The following THRB variants were observed in gnomAD, a reference collection of about 807,000 sequenced individuals.
The protein encoded by THRB is thyroid hormone receptor beta.
Under a neutral mutation model 47.8 loss-of-function variants are expected in THRB, and 12 were observed. The observed-to-expected ratio is 0.25, with a 90% confidence interval of 0.16 to 0.41. THRB has a LOEUF of 0.41. THRB is among the 10% of genes least tolerant of loss of function. The probability of loss-of-function intolerance (pLI) is 1.00; values close to 1 mark genes in which losing one functional copy is unlikely to be tolerated. For synonymous variants in THRB, 218 were observed against 212.2 expected, an observed-to-expected ratio of 1.03 and a Z score of -0.24; for missense variants, 348 against 589.2, an observed-to-expected ratio of 0.59 and a Z score of 4.24.
Position 24,349,272 on chromosome 3 carries a change from A to G in THRB, c.-260-11901T>C, listed in dbSNP as rs374705534. Among the ~76,000 whole-genome samples the G allele has an allele frequency of 3.9e-5, 6 of 152,220 alleles. No homozygotes were observed. The East Asian group carries it at 9.7e-4, about 24-fold the overall frequency. On this transcript the variant is annotated intron_variant, in intron 1 of 10. Transcript: ENST00000646209. ...ATTGTAAAATGTCAATTCTCCCTAA[A>G]TTAGTATATAGATTCAATATACAGT... is the stretch of plus-strand genomic sequence containing the variant.
chr3:24,227,175 C>T (rs1433167797), intron 4 of THRB, among the ~76,000 whole-genome samples: 2 of 152,166 alleles, frequency 1.3e-5, no homozygotes, highest in Non-Finnish European at 2.9e-5. Context: ...AGAGAGCCAT[C>T]CTTATAGCAC....
chr3:24,191,667 G>A (rs2043360414), intron 4 of THRB, among the ~76,000 whole-genome samples: 1 of 152,186 alleles, frequency 6.6e-6, no homozygotes, highest in South Asian at 2.1e-4. Flanking sequence ...GCTAATGTTG[G>A]TTAGGATGGT....
intron 3 of THRB, among the ~76,000 whole-genome samples, chr3:24,285,951 G>A (rs1334634998): frequency 6.6e-6 from 1 of 152,184 alleles, no homozygotes; most frequent in Non-Finnish European, 1.5e-5. Flanking sequence ...CCTCTGGGCG[G>A]TAGTTGGGTT....
intron 1 of THRB, among the ~76,000 whole-genome samples, chr3:24,351,888 T>G (rs1413814871): frequency 6.6e-6 from 1 of 152,170 alleles, no homozygotes; most frequent in Non-Finnish European, 1.5e-5. Context: ...TATATACTCT[T>G]GCTTTCCATG....
chr3:24,487,999 A>G (rs1697560212), intron 1 of THRB, among the ~76,000 whole-genome samples: 1 of 152,244 alleles, frequency 6.6e-6, no homozygotes. Flanking sequence ...ACAACATGTC[A>G]CAAGAGTTAC....
intron 3 of THRB, among the ~76,000 whole-genome samples, chr3:24,259,349 T>A (rs1156650543): frequency 6.6e-6 from 1 of 152,174 alleles, no homozygotes; most frequent in Non-Finnish European, 1.5e-5. Flanking sequence ...TGTCCTTCCC[T>A]AAGCTTAGAG....
At chr3:24,234,585 G>C (rs1296788830) in intron 3 of THRB, among the ~76,000 whole-genome samples, 1 of 152,152 alleles carries the variant, frequency 6.6e-6, no homozygotes, top group Non-Finnish European at 1.5e-5. Flanking sequence ...TCAGGCTTTA[G>C]ATCATTCAAG....
intron 1 of THRB, among the ~76,000 whole-genome samples, chr3:24,487,145 T>A (rs561585388): frequency 1.1e-4 from 16 of 148,700 alleles, no homozygotes; most frequent in African/African-American, 2.9e-4. Context: ...TACAAGTTGC[T>A]AGGGGTTTGT....
Position 24,118,477 on chromosome 3 carries a change from T to C in THRB, c.*4407A>G, listed in dbSNP as rs1300246071. On this transcript the variant is annotated 3_prime_UTR_variant, in exon 11 of 11. Coordinates refer to ENST00000646209, the MANE Select transcript of THRB (RefSeq NM_001354712.2). ...ATCTTCCAATGACTGTAAATCTTTT[T>C]CTATTCTGTAGTATTTTTCTGATTC... is the stretch of plus-strand genomic sequence containing the variant. The C allele has an allele frequency of 6.6e-6, 1 of 152,648 alleles. No individual in the cohort carries two copies. Among genetic ancestry groups the C allele is most frequent in the Non-Finnish European group, 1.5e-5 (1 of 68,040 alleles). 9.5% of individuals were successfully genotyped at this position (152,648 alleles called of 1,614,324 possible). A position where few individuals can be genotyped will look rare whatever the true frequency, so the allele number is the denominator to read the frequency against.
At chr3:24,382,045 GA>G (rs200719450) in intron 1 of THRB, among the ~76,000 whole-genome samples, 18 of 149,056 alleles carry the variant, frequency 1.2e-4, no homozygotes, top group African/African-American at 3.9e-4. Flanking sequence ...ATACCTTCTA[GA>G]AAAAAAAACC....
At chr3:24,270,101 A>G (rs1009926378) in intron 3 of THRB, among the ~76,000 whole-genome samples, 6 of 152,244 alleles carry the variant, frequency 3.9e-5, no homozygotes, top group African/African-American at 1.4e-4. Context: ...TTGAAAACAT[A>G]AAAGCTAAAA....
At chr3:24,142,622 G>C (rs1199805347) in intron 8 of THRB, among the ~76,000 whole-genome samples, 1 of 152,178 alleles carries the variant, frequency 6.6e-6, no homozygotes, top group Non-Finnish European at 1.5e-5. Flanking sequence ...ACTTGAAAAG[G>C]GTTTTATATC....
intron 3 of THRB, among the ~76,000 whole-genome samples, chr3:24,257,294 T>C (rs1034946042): frequency 1.3e-5 from 2 of 152,152 alleles, no homozygotes; most frequent in African/African-American, 4.8e-5. Context: ...TTTGATACCT[T>C]TTCATTAAAT....
chr3:24,432,792 GT>G (rs912333407), intron 1 of THRB, among the ~76,000 whole-genome samples: 178 of 151,996 alleles, frequency 1.2e-3, no homozygotes, highest in Non-Finnish European at 1.5e-3. Flanking sequence ...CTGATTTAAG[GT>G]TTGAAAATTA....
intron 1 of THRB, among the ~76,000 whole-genome samples, chr3:24,412,826 T>A (rs1008545661): frequency 6.6e-6 from 1 of 151,850 alleles, no homozygotes; most frequent in Non-Finnish European, 1.5e-5. Context: ...AAGATATTTT[T>A]AAAAAGCATT....
intron 1 of THRB, among the ~76,000 whole-genome samples, chr3:24,449,914 T>C (rs1365287992): frequency 6.6e-6 from 1 of 151,964 alleles, no homozygotes; most frequent in African/African-American, 2.4e-5. Flanking sequence ...GCAATAATCA[T>C]AGAGGCAGAA....
chr3:24,394,957 T>C (rs945926993), intron 1 of THRB, among the ~76,000 whole-genome samples: 2 of 152,138 alleles, frequency 1.3e-5, no homozygotes, highest in Admixed American at 6.6e-5. Context: ...AGAAGGAAGC[T>C]GGAACTCTCT....
chr3:24,158,978 G>T (rs2038343166), intron 5 of THRB, among the ~76,000 whole-genome samples: 1 of 152,192 alleles, frequency 6.6e-6, no homozygotes, highest in Non-Finnish European at 1.5e-5. Context: ...GTCATCAGAA[G>T]ATTAGGGGAG....
intron 3 of THRB, among the ~76,000 whole-genome samples, chr3:24,281,518 C>T (rs373645004): frequency 4.0e-5 from 6 of 151,250 alleles, no homozygotes; most frequent in Admixed American, 1.3e-4. Flanking sequence ...AGGAGGAAAC[C>T]GCATCAACTA....
Sources: allele counts gnomAD v4.1 joint callset (sites outside exome capture counted in the v4.1 genomes callset), GRCh38; gene constraint gnomAD v4.1.1; transcripts MANE v1.5; gene names NCBI Gene and HGNC (gene_info 2026-07-23, HGNC 2026-07-21).